The following RGS20 variants were observed in gnomAD, a reference collection of about 807,000 sequenced individuals.
RGS20 encodes the protein gz-selective GTPase-activating protein.
Under a neutral mutation model 33.6 loss-of-function variants are expected in RGS20, and 30 were observed. The observed-to-expected ratio is 0.89, with a 90% CI of 0.67 to 1.21. RGS20 has a LOEUF of 1.21. RGS20 is among the 50% of genes most tolerant of loss of function. The pLI is 0.00. For synonymous variants in RGS20, 208 were observed against 197.9 expected, an observed-to-expected ratio of 1.05 and a Z score of -0.43; for missense variants, 472 against 502.4, an observed-to-expected ratio of 0.94 and a Z score of 0.58.
At chr8:53,907,013 G>A (rs1813198830) in intron 2 of RGS20, among the ~76,000 whole-genome samples, 2 of 152,122 alleles carry the variant, frequency 1.3e-5, no homozygotes, top group Non-Finnish European at 1.5e-5. Context: ...CTGGCTTCAC[G>A]TTCCACCCCA....
chr8:53,938,319 T>C (rs1252232382), intron 2 of RGS20, among the ~76,000 whole-genome samples: 1 of 151,996 alleles, frequency 6.6e-6, no homozygotes, highest in African/African-American at 2.4e-5. Flanking sequence ...CGCTCATAAG[T>C]GGGAATTAAA....
At chr8:53,952,811 AAG>A (rs1026134594) in intron 4 of RGS20, among the ~76,000 whole-genome samples, 4 of 152,220 alleles carry the variant, frequency 2.6e-5, no homozygotes, top group Admixed American at 2.0e-4. Flanking sequence ...AACAAGATAA[AAG>A]AGATATTAAG....
At chr8:53,922,218 A>G (rs923330041) in intron 2 of RGS20, among the ~76,000 whole-genome samples, 1 of 151,992 alleles carries the variant, frequency 6.6e-6, no homozygotes, top group Non-Finnish European at 1.5e-5. Flanking sequence ...TAATTGTTGT[A>G]TCTTCCTGAG....
intron 2 of RGS20, among the ~76,000 whole-genome samples, chr8:53,937,892 T>C (rs1814178848): frequency 6.6e-6 from 1 of 152,196 alleles, no homozygotes; most frequent in Non-Finnish European, 1.5e-5. Flanking sequence ...CAACAGATGC[T>C]GGAGAGGATG....
In RGS20 at chr8:53,879,548, G is replaced by A. The variant is rs776294392; in HGVS notation, c.456G>A (p.Pro152=). 162 of 1,540,828 alleles carry A rather than the reference G, an allele frequency of 1.1e-4. No individual in the cohort carries two copies. The highest frequency in any genetic ancestry group is 1.3e-4 in the Non-Finnish European group (154 of 1,143,946). ...GTCGTCCGCTGAGGCCCCCCCATCC[G>A]GTAGCCAAGCCCAGGGAAGAAGACG... The change falls in exon 2 of 6, where the codon CCG becomes CCA. Residue 152 remains proline (P), a synonymous_variant. Coordinates refer to ENST00000297313, the MANE Select transcript of RGS20 (RefSeq NM_170587.4).
At chr8:53,947,905 AT>A (rs1814566886) in intron 4 of RGS20, among the ~76,000 whole-genome samples, 1 of 137,642 alleles carries the variant, frequency 7.3e-6, no homozygotes, top group South Asian at 2.3e-4. Flanking sequence ...TGCTATATAT[AT>A]GATATAGTAT....
intron 2 of RGS20, among the ~76,000 whole-genome samples, chr8:53,922,959 C>G (rs1813693887): frequency 3.9e-5 from 6 of 152,086 alleles, no homozygotes. Flanking sequence ...ATGTGCCTGG[C>G]CCTGAGGTAA....
intron 2 of RGS20, among the ~76,000 whole-genome samples, chr8:53,920,133 C>G (rs1304248009): frequency 2.0e-5 from 3 of 152,180 alleles, no homozygotes; most frequent in African/African-American, 7.2e-5. Flanking sequence ...CCTCAGCCTC[C>G]CAAAGTGCTG....
intron 2 of RGS20, among the ~76,000 whole-genome samples, chr8:53,908,321 C>T (rs1218095009): frequency 6.6e-6 from 1 of 152,120 alleles, no homozygotes; most frequent in Non-Finnish European, 1.5e-5. Context: ...AAGTAAAACA[C>T]TGGACTTGCC....
intron 2 of RGS20, chr8:53,881,079 G>T (rs769929247): frequency 3.2e-6 from 5 of 1,542,256 alleles, no homozygotes; most frequent in South Asian, 1.2e-5. Flanking sequence ...GGTGGACGGT[G>T]GGCTCGTGAG....
rs764259544 is a variant in RGS20 at position 53,935,809 on chromosome 8, AG to A, written c.511-3765del. Reference sequence around the variant, plus strand: ...AGACACAACAAAAAAAGAAAATTTCAGGCCAATATCCCTGATGAACATCAAT... The same window carrying A: ...AGACACAACAAAAAAAGAAAATTTCAGCCAATATCCCTGATGAACATCAAT... On this transcript the variant is annotated intron_variant, in intron 2 of 5. Coordinates refer to ENST00000297313, the MANE Select transcript of RGS20 (RefSeq NM_170587.4). Among the ~76,000 whole-genome samples the A allele has an allele frequency of 3.3e-4, 50 of 152,230 alleles. 4 individuals carry two copies.
intron 4 of RGS20, among the ~76,000 whole-genome samples, chr8:53,948,492 G>T (rs1425262749): frequency 2.4e-5 from 3 of 123,574 alleles, no homozygotes; most frequent in Non-Finnish European, 3.3e-5. Context: ...TGCTATATAT[G>T]ATACAGTATA....
intron 5 of RGS20, among the ~76,000 whole-genome samples, chr8:53,955,788 G>A (rs916009676): frequency 2.4e-4 from 37 of 152,082 alleles, no homozygotes; most frequent in Admixed American, 2.1e-3. Context: ...TAGAGATTGC[G>A]TCATTGCACT....
intron 2 of RGS20, among the ~76,000 whole-genome samples, chr8:53,928,357 G>T (rs1216783575): frequency 6.6e-6 from 1 of 152,046 alleles, no homozygotes; most frequent in Non-Finnish European, 1.5e-5. Flanking sequence ...CATTAATTTA[G>T]AATTTTTTTG....
At chr8:53,888,404 C>T (rs1812607698) in intron 2 of RGS20, among the ~76,000 whole-genome samples, 2 of 152,150 alleles carry the variant, frequency 1.3e-5, no homozygotes, top group Non-Finnish European at 2.9e-5. Context: ...AAGAGTACAG[C>T]TTAGTAAACT....
chr8:53,936,578 C>T, intron 2 of RGS20, among the ~76,000 whole-genome samples: 1 of 152,070 alleles, frequency 6.6e-6, no homozygotes, highest in East Asian at 1.9e-4. Flanking sequence ...AACTACAAAC[C>T]ACTGCTCAAG....
intron 1 of RGS20, among the ~76,000 whole-genome samples, chr8:53,868,729 A>C (rs1410025461): frequency 6.6e-6 from 1 of 152,158 alleles, no homozygotes; most frequent in African/African-American, 2.4e-5. Context: ...AACCTCCATG[A>C]TAAGAAAATA....
chr8:53,930,828 T>C (rs1813934014), intron 2 of RGS20, among the ~76,000 whole-genome samples: 1 of 152,182 alleles, frequency 6.6e-6, no homozygotes, highest in Admixed American at 6.6e-5. Context: ...GTTTTTTTAA[T>C]GAGGCAAGTT....
intron 2 of RGS20, among the ~76,000 whole-genome samples, chr8:53,883,711 G>A (rs1028522551): frequency 1.3e-5 from 2 of 152,004 alleles, no homozygotes; most frequent in African/African-American, 4.8e-5. Flanking sequence ...TTGGGAGGCC[G>A]AGGCAGGTGG....
Sources: allele counts gnomAD v4.1 joint callset (sites outside exome capture counted in the v4.1 genomes callset), GRCh38; gene constraint gnomAD v4.1.1; transcripts MANE v1.5; gene names NCBI Gene and HGNC (gene_info 2026-07-23, HGNC 2026-07-21).